The following ELMOD3 variants were observed in gnomAD, a reference collection of about 807,000 sequenced individuals.
ELMOD3 encodes ELMO domain containing 3.
Under a neutral mutation model 47.4 loss-of-function variants are expected in ELMOD3, and 36 were observed. The ratio of observed to expected loss-of-function variants is 0.76; its 90% CI spans 0.58 to 1.00. ELMOD3 has a LOEUF of 1.00. ELMOD3 is among the 50% of genes least tolerant of loss of function. The pLI, the probability that ELMOD3 is intolerant of heterozygous loss-of-function variation, is 0.00. For synonymous variants in ELMOD3, 149 were observed against 183.5 expected (o/e 0.81, Z 1.52); for missense variants, 404 against 463.8 (o/e 0.87, Z 1.18).
Position 85,376,290 on chromosome 2 carries a change from A to G in ELMOD3, c.608-1054A>G, listed in dbSNP as rs1235901401. ...ATCTTAGACATTTTGGGTAGTCTGT[A>G]TGAGACTCTGGATCTTACTTAAATC... is the stretch of plus-strand genomic sequence containing the variant. On this transcript the variant is annotated intron_variant, in intron 10 of 13. Coordinates refer to ENST00000409013, the MANE Select transcript of ELMOD3 (RefSeq NM_001135022.2). The surrounding 1 kb of genome is among the most constrained non-coding windows in gnomAD (Gnocchi z 4.2). Among the ~76,000 whole-genome samples the G allele has an allele frequency of 6.6e-6, 1 of 152,166 alleles. No homozygotes were observed. The highest frequency in any genetic ancestry group is 2.4e-5 in the African/African-American group (1 of 41,438).
At chr2:85,377,694 C>G (rs1350085520) in intron 11 of ELMOD3, among the ~76,000 whole-genome samples, 1 of 152,230 alleles carries the variant, frequency 6.6e-6, no homozygotes, top group Non-Finnish European at 1.5e-5. Flanking sequence ...GAATGGAAAT[C>G]ATAGTGTTGT....
In ELMOD3 at chr2:85,369,814, AC is replaced by A. The variant is rs759663862; in HGVS notation, c.346del (p.Leu116PhefsTer42). On this transcript the variant is annotated frameshift_variant, in exon 8 of 14. Transcript: ENST00000409013. LOFTEE classifies it high-confidence loss of function. ...SEALQHFQTV[D>X]LSPFKKRIQP... ...GCCCTGCAGCACTTCCAGACTGTGGACCTTTCCCCCTTCAAGGTATGAGGGT... is the reference window on the plus strand; with the variant it reads ...GCCCTGCAGCACTTCCAGACTGTGGACTTTCCCCCTTCAAGGTATGAGGGT... 10 of 1,613,906 alleles carry A rather than the reference AC, an allele frequency of 6.2e-6. No individual in the cohort carries two copies. In the Admixed American group the frequency reaches 1.7e-4, roughly 27 times the overall value.
At chr2:85,361,710 A>G (rs1683970777) in intron 4 of ELMOD3, among the ~76,000 whole-genome samples, 8 of 152,036 alleles carry the variant, frequency 5.3e-5, no homozygotes, top group Admixed American at 5.2e-4. Context: ...CGGGTGGATC[A>G]TGAGGTCAGG....
At chr2:85,362,300 TTTG>T (rs779950306) in intron 5 of ELMOD3, 40 bp downstream of exon 5, 4 of 1,234,840 alleles carry the variant, frequency 3.2e-6, no homozygotes, top group Middle Eastern at 1.9e-4. Flanking sequence ...TGCCAGGGCT[TTTG>T]TTGTGTGTTA....
Position 85,367,170 on chromosome 2 carries a change from C to T in ELMOD3, c.200-1516C>T, listed in dbSNP as rs937040917. On this transcript the variant is annotated intron_variant, in intron 6 of 13. Transcript: ENST00000409013. Reference sequence around the variant, plus strand: ...TCTGTGCTAGCCTCTGGAAAACCTGCCCTCATGTAGCTCACTGTGGAGTAG... The same window carrying T: ...TCTGTGCTAGCCTCTGGAAAACCTGTCCTCATGTAGCTCACTGTGGAGTAG... 3.9e-5 allele frequency among the ~76,000 whole-genome samples: 6 copies of T among 152,318 alleles called. No homozygotes were observed. In the East Asian group the frequency reaches 1.2e-3, roughly 29 times the overall value.
At chr2:85,363,280 A>G in intron 6 of ELMOD3, 114 bp downstream of exon 6, 1 of 663,826 alleles carries the variant, frequency 1.5e-6, no homozygotes, top group East Asian at 2.7e-5. Context: ...AGAATTTTGT[A>G]GATGTATCAG....
chr2:85,390,888 CCCTT>C lies in ELMOD3; in HGVS notation c.1074_1077del (p.Phe359ArgfsTer21). On this transcript the variant is annotated frameshift_variant, in exon 14 of 14. Coordinates refer to ENST00000409013, the MANE Select transcript of ELMOD3 (RefSeq NM_001135022.2). LOFTEE classifies it high-confidence loss of function. ...GAAGTGCTATGGGCCAGAAGCCCCT[CCCTT>C]CAAGGATCTCACCTTCACAGGTGAG... The C allele has an allele frequency of 6.4e-7, 1 of 1,551,666 alleles. No homozygotes were observed. Among genetic ancestry groups the C allele is most frequent in the Non-Finnish European group, 8.7e-7 (1 of 1,146,978 alleles).
chr2:85,383,128 T>G (rs1300265655), intron 11 of ELMOD3, among the ~76,000 whole-genome samples: 1 of 150,366 alleles, frequency 6.7e-6, no homozygotes, highest in African/African-American at 2.4e-5. Flanking sequence ...TCTTTTTTGT[T>G]TTTTTGTTTG....
intron 10 of ELMOD3, among the ~76,000 whole-genome samples, chr2:85,374,026 C>T (rs1055590392): frequency 4.7e-5 from 7 of 148,838 alleles, no homozygotes; most frequent in African/African-American, 1.5e-4. Flanking sequence ...GAGAATGTCT[C>T]AATTTCCCCT....
At chr2:85,387,160 T>TA (rs1685990006) in intron 11 of ELMOD3, 1 of 1,293,566 alleles carries the variant, frequency 7.7e-7, no homozygotes, top group Non-Finnish European at 1.0e-6. Context: ...AAATAGGCAA[T>TA]ACCTGAAGGT....
chr2:85,368,493 C>T, intron 6 of ELMOD3, 193 bp from the exon 7 acceptor site: 1 of 573,442 alleles, frequency 1.7e-6, no homozygotes, highest in Non-Finnish European at 3.1e-6. Flanking sequence ...TGGAGCAGTT[C>T]AAAAATCCTG....
intron 11 of ELMOD3, among the ~76,000 whole-genome samples, chr2:85,378,527 C>T (rs941515630): frequency 1.3e-5 from 2 of 152,124 alleles, no homozygotes; most frequent in African/African-American, 2.4e-5. Flanking sequence ...CGGGAGGACT[C>T]GAAGCAGGGA....
chr2:85,370,111 T>C (rs1684686686), intron 8 of ELMOD3, among the ~76,000 whole-genome samples: 1 of 152,114 alleles, frequency 6.6e-6, no homozygotes. Flanking sequence ...AAGTACTAGG[T>C]AGATCCTTGC....
chr2:85,389,905 G>A, intron 12 of ELMOD3, 78 bp downstream of exon 12: 1 of 1,373,476 alleles, frequency 7.3e-7, no homozygotes, highest in Non-Finnish European at 1.0e-6. Flanking sequence ...ATTTTCCCCA[G>A]CTCTACTCCA....
At chr2:85,387,199 A>G (rs1050070370) in intron 11 of ELMOD3, 66 of 1,226,322 alleles carry the variant, frequency 5.4e-5, no homozygotes, top group Non-Finnish European at 6.3e-5. Flanking sequence ...GTCAGCATCA[A>G]TGGTGTTCTC....
intron 6 of ELMOD3, chr2:85,368,434 G>A: frequency 2.1e-6 from 1 of 484,458 alleles, no homozygotes; most frequent in Non-Finnish European, 3.8e-6. Context: ...CCCGGGAGTG[G>A]GGGATCACCA....
At position 85,371,187 on chromosome 2, in the gene ELMOD3, C is replaced by T. The variant is rs745902219; in HGVS notation, c.462C>T (p.Asp154=). 7 of 1,614,152 alleles carry T rather than the reference C, an allele frequency of 4.3e-6. No individual in the cohort carries two copies. The highest frequency in any genetic ancestry group is 5.9e-6 in the Non-Finnish European group (7 of 1,180,058). The part of the protein sequence containing the change: ...KLHQRLREER[D]LVLTIAQCGL... Reference sequence around the variant, plus strand: ...ACCAGCGCCTTCGGGAAGAAAGGGACTTGGTCCTGACCATTGCTCAGTGTG... The same window carrying T: ...ACCAGCGCCTTCGGGAAGAAAGGGATTTGGTCCTGACCATTGCTCAGTGTG... Residue 154 remains aspartate (D), a synonymous_variant, in exon 9 of 14, where the codon GAC becomes GAT. Transcript: ENST00000409013.
intron 6 of ELMOD3, among the ~76,000 whole-genome samples, chr2:85,368,033 C>G (rs1684521632): frequency 6.6e-6 from 1 of 152,154 alleles, no homozygotes; most frequent in Non-Finnish European, 1.5e-5. Context: ...GCCTCAACCT[C>G]CAGAGTAGCT....
chr2:85,371,636 C>T (rs1399314208), intron 10 of ELMOD3, 74 bp downstream of exon 10: 64 of 1,590,298 alleles, frequency 4.0e-5, no homozygotes, highest in Non-Finnish European at 4.6e-5. Flanking sequence ...CCAGGTCGTT[C>T]TCTTCCAGTG....
Sources: gnomAD v4.1 joint callset for allele counts (sites outside exome capture counted in the v4.1 genomes callset) on GRCh38, gnomAD v4.1.1 for gene constraint, Gnocchi (gnomAD v3.1) non-coding constraint, MANE v1.5 for transcripts, NCBI Gene and HGNC (gene_info 2026-07-23, HGNC 2026-07-21) for gene names.